The following FER variants were observed in gnomAD, a reference collection of about 807,000 sequenced individuals.
The protein encoded by FER is tyrosine-protein kinase Fer.
Under a neutral mutation model 111.0 loss-of-function variants are expected in FER, and 63 were observed. The observed-to-expected ratio is 0.57, with a 90% confidence interval of 0.46 to 0.70. The LOEUF (loss-of-function observed/expected upper bound fraction) is 0.70. Ranked by LOEUF, FER falls within the 30% of genes least tolerant of loss-of-function variation. FER has a pLI of 0.00. For missense variants in FER, 914 were observed against 954.0 expected, an observed-to-expected ratio of 0.96 and a Z score of 0.55; for synonymous variants, 327 against 313.9, an observed-to-expected ratio of 1.04 and a Z score of -0.44.
At chr5:108,826,212 A>G (rs1397612809) in intron 3 of FER, among the ~76,000 whole-genome samples, 2 of 152,202 alleles carry the variant, frequency 1.3e-5, no homozygotes, top group Non-Finnish European at 2.9e-5. Flanking sequence ...TATTCTGTTA[A>G]TATAATGTGT....
At chr5:108,808,185 G>C (rs1340305600) in intron 3 of FER, among the ~76,000 whole-genome samples, 3 of 151,950 alleles carry the variant, frequency 2.0e-5, no homozygotes, top group Non-Finnish European at 2.9e-5. Context: ...TTAGTTTTCT[G>C]TCTCAGTGAT....
At chr5:108,773,209 G>A (rs1753115993) in intron 2 of FER, among the ~76,000 whole-genome samples, 1 of 151,972 alleles carries the variant, frequency 6.6e-6, no homozygotes, top group African/African-American at 2.4e-5. Flanking sequence ...TTAAGCTCAG[G>A]GTTACATGTG....
chr5:109,044,630 A>G (rs1328955876), intron 14 of FER, 50 bp from the exon 15 acceptor site: 2 of 932,296 alleles, frequency 2.1e-6, no homozygotes, highest in East Asian at 5.1e-5. Flanking sequence ...TTTGGCAAAG[A>G]TATACATGCT....
intron 13 of FER, among the ~76,000 whole-genome samples, chr5:109,005,043 A>G (rs762114579): frequency 7.9e-5 from 12 of 152,136 alleles, no homozygotes; most frequent in Non-Finnish European, 1.5e-4. Flanking sequence ...ACTTATTACT[A>G]TCCATCCCTA....
Position 108,762,080 on chromosome 5 carries a change from T to G in FER, c.-205-6013T>G, listed in dbSNP as rs1751821547. 2.0e-5 allele frequency among the ~76,000 whole-genome samples: 3 copies of G among 152,030 alleles called. No homozygotes were observed. In the South Asian group the frequency reaches 6.2e-4, roughly 32 times the overall value. ...TGTGTGCCTCCACACCTGGCTAATT[T>G]TTTTTTGTATTTTTAATGCAGACAG... On this transcript the variant is annotated intron_variant, in intron 1 of 19. Transcript: ENST00000281092.
intron 14 of FER, among the ~76,000 whole-genome samples, chr5:109,038,934 A>G (rs1770771359): frequency 6.6e-6 from 1 of 152,034 alleles, no homozygotes; most frequent in Non-Finnish European, 1.5e-5. Flanking sequence ...GACTATTTCA[A>G]AGAATAATTT....
intron 13 of FER, among the ~76,000 whole-genome samples, chr5:108,965,017 T>C (rs1759616364): frequency 6.6e-6 from 1 of 152,124 alleles, no homozygotes; most frequent in Non-Finnish European, 1.5e-5. Flanking sequence ...TAATTAAATA[T>C]CAAATTGGAT....
intron 16 of FER, among the ~76,000 whole-genome samples, chr5:109,054,934 C>A (rs1317414056): frequency 2.0e-5 from 3 of 152,104 alleles, no homozygotes; most frequent in Non-Finnish European, 4.4e-5. Flanking sequence ...CTGTTCTTTT[C>A]TGTCAATCCT....
At chr5:109,013,365 T>A (rs1193417257) in intron 13 of FER, among the ~76,000 whole-genome samples, 1 of 151,842 alleles carries the variant, frequency 6.6e-6, no homozygotes, top group African/African-American at 2.4e-5. Flanking sequence ...TTACTGAGAA[T>A]GATGATTTCC....
intron 16 of FER, among the ~76,000 whole-genome samples, chr5:109,072,868 T>G: frequency 6.6e-6 from 1 of 152,114 alleles, no homozygotes; most frequent in Non-Finnish European, 1.5e-5. Flanking sequence ...TTCCTGCTTC[T>G]TCCTAGCTTT....
intron 16 of FER, among the ~76,000 whole-genome samples, chr5:109,084,047 C>A (rs1199147758): frequency 6.6e-6 from 1 of 151,934 alleles, no homozygotes; most frequent in Non-Finnish European, 1.5e-5. Flanking sequence ...AAGTATAGAG[C>A]TTGAATTATC....
chr5:108,769,683 G>T (rs1052140397), intron 2 of FER, among the ~76,000 whole-genome samples: 1 of 152,090 alleles, frequency 6.6e-6, no homozygotes, highest in Non-Finnish European at 1.5e-5. Context: ...TGTTGTTTGG[G>T]CATGGAAAGA....
chr5:108,879,513 A>G (rs1220121441), intron 8 of FER, among the ~76,000 whole-genome samples: 1 of 151,736 alleles, frequency 6.6e-6, no homozygotes, highest in African/African-American at 2.4e-5. Context: ...CATGATGGTG[A>G]ATATTGTACT....
intron 17 of FER, among the ~76,000 whole-genome samples, chr5:109,106,969 A>G (rs1749009692): frequency 6.6e-6 from 1 of 152,194 alleles, no homozygotes. Flanking sequence ...GGTAGGAAAG[A>G]TGCAGTATAT....
At chr5:108,873,957 T>C (rs963904712) in intron 8 of FER, among the ~76,000 whole-genome samples, 7 of 152,158 alleles carry the variant, frequency 4.6e-5, no homozygotes, top group African/African-American at 1.7e-4. Flanking sequence ...CAGTGAGACA[T>C]TCCATTTCTC....
At chr5:108,907,522 T>C (rs961020551) in intron 10 of FER, among the ~76,000 whole-genome samples, 3 of 152,020 alleles carry the variant, frequency 2.0e-5, no homozygotes, top group Non-Finnish European at 4.4e-5. Context: ...CTTGAGCTCC[T>C]GACTTAGGGA....
intron 10 of FER, among the ~76,000 whole-genome samples, chr5:108,938,500 G>T (rs768853221): frequency 5.9e-5 from 9 of 151,962 alleles, no homozygotes; most frequent in Non-Finnish European, 1.3e-4. Flanking sequence ...AGTTGCTTGG[G>T]TGTGAACTCA....
At chr5:108,913,423 A>G (rs1751833935) in intron 10 of FER, among the ~76,000 whole-genome samples, 1 of 152,198 alleles carries the variant, frequency 6.6e-6, no homozygotes, top group Non-Finnish European at 1.5e-5. Flanking sequence ...TAATAAACTC[A>G]TAATTCTGAC....
intron 16 of FER, 144 bp downstream of exon 16, chr5:109,047,342 A>G (rs1420956224): frequency 9.6e-6 from 5 of 519,260 alleles, no homozygotes; most frequent in Non-Finnish European, 1.7e-5. Context: ...GTCTGTACCT[A>G]TAGTCAGTAT....
Sources: gnomAD v4.1 joint callset for allele counts (sites outside exome capture counted in the v4.1 genomes callset) on GRCh38, gnomAD v4.1.1 for gene constraint, MANE v1.5 for transcripts, NCBI Gene and HGNC (gene_info 2026-07-23, HGNC 2026-07-21) for gene names.